Variants in ANKRD30A observed in about 807,000 individuals in gnomAD.
The protein encoded by ANKRD30A is ankyrin repeat domain 30A.
A neutral mutation model predicts 166.3 loss-of-function variants in ANKRD30A; 170 were observed. The ratio of observed to expected loss-of-function variants is 1.02; its 90% CI spans 0.90 to 1.16. The LOEUF (loss-of-function observed/expected upper bound fraction) is 1.16. Ranked by LOEUF, ANKRD30A falls within the 50% of genes most tolerant of loss-of-function variation. The pLI is 0.00. For synonymous variants in ANKRD30A, 564 were observed against 508.9 expected, an observed-to-expected ratio of 1.11 and a Z score of -1.46; for missense variants, 1,630 against 1,518.0, an observed-to-expected ratio of 1.07 and a Z score of -1.23.
At chr10:37,159,626 T>C (rs1838682139) in intron 15 of ANKRD30A, among the ~76,000 whole-genome samples, 1 of 152,194 alleles carries the variant, frequency 6.6e-6, no homozygotes, top group African/African-American at 2.4e-5. Flanking sequence ...TTTCATGTCT[T>C]ATAGGCTATA....
In ANKRD30A at chr10:37,141,991, C is replaced by A; in HGVS notation, c.1094C>A (p.Ala365Glu). The A allele has an allele frequency of 6.2e-7, 1 of 1,614,038 alleles. No homozygotes were observed. Among genetic ancestry groups the A allele is most frequent in the Non-Finnish European group, 8.5e-7 (1 of 1,179,974 alleles). ...ACACCTAGGGAAATTACGAGTCCTG[C>A]AAAAGAAACATCTGAGAAATTTACG... ...EETPREITSP[A>E]KETSEKFTWP... is the part of the protein sequence containing the mutation. The change falls in exon 7 of 36, where the codon GCA becomes GAA. Residue 365 changes from alanine to glutamate, a missense_variant. Physicochemically the swap from Ala to Glu is moderately radical, Grantham distance 107 (BLOSUM62 -1). Around this residue, in one of 4 missense-constraint regions of ANKRD30A, gnomAD observed 904 missense variants for 818.5 expected, o/e 1.10. Transcript: ENST00000361713.
rs1843108582 is a variant in ANKRD30A, at chr10:37,225,579, A to G, written c.4185+5682A>G. Among the ~76,000 whole-genome samples, 3 of 151,884 alleles carry G rather than the reference A, an allele frequency of 2.0e-5. No individual in the cohort carries two copies. The South Asian group carries it at 6.2e-4, about 31-fold the overall frequency. On this transcript the variant is annotated intron_variant, in intron 34 of 35. Coordinates refer to ENST00000361713, the MANE Select transcript of ANKRD30A (RefSeq NM_052997.3). ...AAAGAACTACCCACATACTTTGGGGAAGTAAAAATCTGTCAGTGCTTTGAG... is the reference window on the plus strand; with the variant it reads ...AAAGAACTACCCACATACTTTGGGGGAGTAAAAATCTGTCAGTGCTTTGAG...
At chr10:37,198,453 C>A (rs1205597134) in intron 29 of ANKRD30A, among the ~76,000 whole-genome samples, 2 of 151,962 alleles carry the variant, frequency 1.3e-5, no homozygotes, top group Non-Finnish European at 2.9e-5. Context: ...TGAAAACATG[C>A]AGATTTCTGC....
chr10:37,254,508 A>G, the ANKRD30A span, among the ~76,000 whole-genome samples: 1 of 151,712 alleles, frequency 6.6e-6, no homozygotes. Flanking sequence ...CGACACTTAT[A>G]TCTTCTTTAC....
rs538643462 is a variant in ANKRD30A at position 37,208,448 on chromosome 10, T to C, written c.2869+7123T>C. Among the ~76,000 whole-genome samples the C allele has an allele frequency of 2.0e-5, 3 of 152,278 alleles. No homozygotes were observed. The East Asian group carries it at 5.8e-4, about 30-fold the overall frequency. On this transcript the variant is annotated intron_variant, in intron 31 of 35. Transcript: ENST00000361713. ...AAAGACAAAGCATATTCTTATCCGC[T>C]TCTGCCACAGTACATTCTAACCTGT...
intron 27 of ANKRD30A, among the ~76,000 whole-genome samples, chr10:37,194,576 A>G (rs992153197): frequency 1.3e-5 from 2 of 151,826 alleles, no homozygotes; most frequent in African/African-American, 4.8e-5. Context: ...GGATCTCCTG[A>G]CCTTGTGATG....
At chr10:37,130,411 T>G (rs1457085202) in intron 3 of ANKRD30A, 33 bp downstream of exon 3, 8 of 1,407,294 alleles carry the variant, frequency 5.7e-6, no homozygotes, top group Non-Finnish European at 6.5e-6. Context: ...TTCAAAATAT[T>G]TGAAATCCAT....
the ANKRD30A span, among the ~76,000 whole-genome samples, chr10:37,252,840 A>C: frequency 6.6e-6 from 1 of 152,202 alleles, no homozygotes; most frequent in African/African-American, 2.4e-5. Flanking sequence ...TGTCATATAT[A>C]AGTGCTTATA....
At chr10:37,155,874 G>C (rs565689832) in intron 13 of ANKRD30A, among the ~76,000 whole-genome samples, 3 of 152,116 alleles carry the variant, frequency 2.0e-5, no homozygotes, top group African/African-American at 7.2e-5. Flanking sequence ...AAGGTTAGGA[G>C]ATCCAGACCA....
the ANKRD30A span, among the ~76,000 whole-genome samples, chr10:37,240,397 CCAAA>C: frequency 6.6e-6 from 1 of 152,036 alleles, no homozygotes; most frequent in Non-Finnish European, 1.5e-5. Context: ...TAATGCATAG[CCAAA>C]CAGTCATAGT....
chr10:37,194,083 C>G (rs1344193444), intron 27 of ANKRD30A, among the ~76,000 whole-genome samples: 1 of 152,014 alleles, frequency 6.6e-6, no homozygotes, highest in African/African-American at 2.4e-5. Context: ...GTCATCTCAG[C>G]TACTCTGGAG....
rs1168914257 is a variant in ANKRD30A, at chr10:37,199,576, A to G, written c.2717-151A>G. On this transcript the variant is annotated intron_variant, in intron 29 of 35. Coordinates refer to ENST00000361713, the MANE Select transcript of ANKRD30A (RefSeq NM_052997.3). ...AGATTTCAATTCTAACGGATTGACT[A>G]TAGGAAGTAGTCATTGTAATCAACA... is the stretch of plus-strand genomic sequence containing the variant. The G allele has an allele frequency of 7.0e-5, 31 of 443,402 alleles. 1 individual carries two copies. 27.5% of individuals were successfully genotyped at this position (443,402 alleles called of 1,614,324 possible). A position where few individuals can be genotyped will look rare whatever the true frequency, so the allele number is the denominator to read the frequency against.
intron 15 of ANKRD30A, among the ~76,000 whole-genome samples, chr10:37,161,657 C>G (rs1199564667): frequency 2.0e-5 from 3 of 152,034 alleles, no homozygotes; most frequent in Non-Finnish European, 4.4e-5. Context: ...AGGAGTCCTA[C>G]TAGAATTGGG....
chr10:37,132,583 A>G (rs1045671169), intron 4 of ANKRD30A, among the ~76,000 whole-genome samples: 1 of 152,204 alleles, frequency 6.6e-6, no homozygotes, highest in Admixed American at 6.5e-5. Flanking sequence ...TTTTGGTTGC[A>G]TTATCTTCTA....
chr10:37,210,853 A>G (rs1032919843), intron 31 of ANKRD30A, among the ~76,000 whole-genome samples: 2 of 152,124 alleles, frequency 1.3e-5, no homozygotes, highest in African/African-American at 2.4e-5. Flanking sequence ...GTTCTTGTAC[A>G]TTCTGGATAT....
downstream of ANKRD30A, among the ~76,000 whole-genome samples, chr10:37,235,765 CTTTT>C (rs947216787): frequency 1.7e-5 from 2 of 114,944 alleles, no homozygotes; most frequent in South Asian, 2.9e-4. Context: ...ATTTCATTCT[CTTTT>C]TTTTTTTTTT....
intron 9 of ANKRD30A, 69 bp downstream of exon 9, chr10:37,147,526 A>G: frequency 9.8e-7 from 1 of 1,020,182 alleles, no homozygotes; most frequent in African/African-American, 1.6e-5. Context: ...TGACTGATAT[A>G]CTCTAATAGC....
Position 37,231,634 on chromosome 10 carries a change from G to T in ANKRD30A, c.*165G>T. The T allele has an allele frequency of 2.3e-6, 1 of 429,646 alleles. No homozygotes were observed. 26.6% of individuals were successfully genotyped at this position (429,646 alleles called of 1,614,324 possible). ...GAAGAAAAATTCATGATTTCTTCCT[G>T]AAGCCTACAGACATAAAATAACAGT... On this transcript the variant is annotated 3_prime_UTR_variant, in exon 35 of 36. Transcript: ENST00000361713.
chr10:37,247,019 C>T, the ANKRD30A span, among the ~76,000 whole-genome samples: 2 of 152,026 alleles, frequency 1.3e-5, no homozygotes, highest in Non-Finnish European at 2.9e-5. Context: ...CCAGGAGTTC[C>T]TAGAACGTTC....
Sources: gnomAD v4.1 joint callset for allele counts (sites outside exome capture counted in the v4.1 genomes callset) on GRCh38, gnomAD v4.1.1 for gene constraint, gnomAD v4.1.1 regional missense constraint, MANE v1.5 for transcripts, NCBI Gene and HGNC (gene_info 2026-07-23, HGNC 2026-07-21) for gene names.